The following ICA1 variants were observed in gnomAD, a reference collection of about 807,000 sequenced individuals.
The protein encoded by ICA1 is islet cell autoantigen 1, also known as 69 kDa islet cell autoantigen.
A neutral mutation model predicts 71.0 loss-of-function variants in ICA1; 40 were observed. The ratio of observed to expected loss-of-function variants is 0.56; its 90% CI spans 0.44 to 0.73. ICA1 has a LOEUF of 0.73. Among genes scored for constraint, ICA1 ranks in the 30% least tolerant of loss-of-function variants. The pLI is 0.00. For missense variants in ICA1, 578 were observed against 576.5 expected (o/e 1.00, Z -0.03); for synonymous variants, 207 against 209.5 (o/e 0.99, Z 0.10).
chr7:8,168,064 G>A (rs1044768084), intron 6 of ICA1, among the ~76,000 whole-genome samples: 2 of 152,062 alleles, frequency 1.3e-5, no homozygotes, highest in African/African-American at 4.8e-5. Flanking sequence ...GAGACTGAGA[G>A]ACCTAGTAGC....
chr7:8,229,620 C>A (rs910720771), intron 3 of ICA1, among the ~76,000 whole-genome samples: 4 of 152,192 alleles, frequency 2.6e-5, no homozygotes, highest in Admixed American at 2.6e-4. Context: ...TCATAAAGCA[C>A]TTCTACATTT....
intron 6 of ICA1, among the ~76,000 whole-genome samples, chr7:8,184,965 T>G (rs1179343366): frequency 6.6e-6 from 1 of 152,022 alleles, no homozygotes; most frequent in East Asian, 1.9e-4. Context: ...TCCTAGCTAC[T>G]TGGGAGGCTG....
intron 1 of ICA1, among the ~76,000 whole-genome samples, chr7:8,255,779 C>CTTTTTTTTTTTTTTT (rs573673718): frequency 3.8e-5 from 5 of 132,908 alleles, no homozygotes; most frequent in African/African-American, 6.1e-5. Flanking sequence ...ACTTCTTTCT[C>CTTTTTTTTTTTTTTT]TTTTTTTTTT....
intron 1 of ICA1, among the ~76,000 whole-genome samples, chr7:8,255,528 A>G (rs760824403): frequency 1.5e-4 from 23 of 152,116 alleles, no homozygotes; most frequent in Non-Finnish European, 3.1e-4. Context: ...GGCCACTTCC[A>G]TGGCTTCAAC....
chr7:8,157,098 C>T lies in ICA1; in HGVS notation c.804+18G>A. 1 of 1,614,162 alleles carries T rather than the reference C, an allele frequency of 6.2e-7. No homozygotes were observed. The highest frequency in any genetic ancestry group is 8.5e-7 in the Non-Finnish European group (1 of 1,180,038). On this transcript the variant is annotated intron_variant, in intron 8 of 13. Transcript: ENST00000402384. ...TACTTTTCTCAAGATTTTCTAGTGG[C>T]CCCTCTAGCTTCCATACCTTTAAAG...
intron 6 of ICA1, among the ~76,000 whole-genome samples, chr7:8,201,673 T>C (rs1276787926): frequency 1.3e-5 from 2 of 152,122 alleles, no homozygotes; most frequent in African/African-American, 4.8e-5. Context: ...CCATAAGCTT[T>C]TGTGGTATGG....
rs1801224070 is a variant in ICA1 at position 8,234,455 on chromosome 7, C to T, written c.17+1455G>A. 6.6e-6 allele frequency among the ~76,000 whole-genome samples: 1 copy of T among 152,172 alleles called. No individual in the cohort carries two copies. Among genetic ancestry groups the T allele is most frequent in the African/African-American group, 2.4e-5 (1 of 41,446 alleles). On this transcript the variant is annotated intron_variant, in intron 2 of 13. Transcript: ENST00000402384. This position sits in a 1 kb window ranked among gnomAD's most constrained non-coding sequence, Gnocchi z 4.5. Reference sequence around the variant, plus strand: ...GAGATGTACTTTCCTCTACCCCATCCCATCACCACCCAAAATGTGCCAGGC... The same window carrying T: ...GAGATGTACTTTCCTCTACCCCATCTCATCACCACCCAAAATGTGCCAGGC...
chr7:8,160,807 G>C (rs980438729), intron 6 of ICA1, among the ~76,000 whole-genome samples: 2 of 152,194 alleles, frequency 1.3e-5, no homozygotes, highest in African/African-American at 4.8e-5. Flanking sequence ...AGAGCCAGTA[G>C]TTTAAATTCC....
chr7:8,138,372 G>C (rs1358600733), intron 12 of ICA1, among the ~76,000 whole-genome samples: 1 of 152,138 alleles, frequency 6.6e-6, no homozygotes, highest in Non-Finnish European at 1.5e-5. Context: ...ATAACCCTGT[G>C]TTAGAGGCCA....
chr7:8,213,998 C>A (rs2128395115), intron 6 of ICA1, among the ~76,000 whole-genome samples: 1 of 152,330 alleles, frequency 6.6e-6, no homozygotes. Context: ...AAACACTAGA[C>A]AAATGCTGTA....
chr7:8,139,118 G>A, intron 10 of ICA1, 71 bp from the exon 11 acceptor site: 1 of 1,229,884 alleles, frequency 8.1e-7, no homozygotes. Context: ...CTATTGCAGT[G>A]TAAGGTAAAT....
chr7:8,248,100 C>T (rs1806742204), intron 1 of ICA1, among the ~76,000 whole-genome samples: 1 of 152,140 alleles, frequency 6.6e-6, no homozygotes, highest in Admixed American at 6.5e-5. Context: ...AATCATGTTT[C>T]CTAAGCACGT....
chr7:8,139,276 T>C (rs1220212125), intron 10 of ICA1, among the ~76,000 whole-genome samples: 1 of 152,204 alleles, frequency 6.6e-6, no homozygotes, highest in African/African-American at 2.4e-5. Context: ...CTGAAAACCA[T>C]ATGACATCGA....
intron 1 of ICA1, among the ~76,000 whole-genome samples, chr7:8,259,963 T>G (rs1336582496): frequency 6.6e-6 from 1 of 152,190 alleles, no homozygotes; most frequent in African/African-American, 2.4e-5. Flanking sequence ...AGCATCCTTA[T>G]TAATGGTTCC....
At position 8,138,876 on chromosome 7, in the gene ICA1, T is replaced by C. The variant is rs760644035; in HGVS notation, c.1024A>G (p.Ile342Val). Residue 342 changes from isoleucine (I) to valine (V), a missense_variant, in exon 12 of 14, where the codon ATA (isoleucine) becomes GTA (valine). Coordinates refer to ENST00000402384, the MANE Select transcript of ICA1 (RefSeq NM_001136020.3). Reference sequence around the variant, plus strand: ...GATTTCATGTCTAATAGTTCATCTATGGGTCCTTTAGAGAAGAGGAAAGAA... The same window carrying C: ...GATTTCATGTCTAATAGTTCATCTACGGGTCCTTTAGAGAAGAGGAAAGAA... The part of the protein sequence containing the change: ...GSTHTACSGP[I>V]DELLDMKSEE... 1.2e-6 allele frequency: 2 copies of C among 1,606,514 alleles called. No homozygotes were observed. Among genetic ancestry groups the C allele is most frequent in the Non-Finnish European group, 8.5e-7 (1 of 1,173,356 alleles).
intron 13 of ICA1, among the ~76,000 whole-genome samples, chr7:8,124,510 T>A (rs1202635501): frequency 6.6e-6 from 1 of 151,328 alleles, no homozygotes; most frequent in Admixed American, 6.6e-5. Context: ...TTTGAGGGGA[T>A]TGAGGGTCCT....
chr7:8,117,612 C>T (rs997391496), intron 13 of ICA1, among the ~76,000 whole-genome samples: 1 of 152,206 alleles, frequency 6.6e-6, no homozygotes, highest in African/African-American at 2.4e-5. Context: ...ATTGTTGATT[C>T]TCACTATAAA....
At position 8,173,229 on chromosome 7, in the gene ICA1, A is replaced by G. The variant is rs750459275; in HGVS notation, c.580-14577T>C. ...CCAGGACTAGGGAAGGAAATACATA[A>G]GATGATTCTGAAATATTCGGTTGTA... On this transcript the variant is annotated intron_variant, in intron 6 of 13. Coordinates refer to ENST00000402384, the MANE Select transcript of ICA1 (RefSeq NM_001136020.3). This position sits in a 1 kb window ranked among gnomAD's most constrained non-coding sequence, Gnocchi z 4.0. 3.3e-5 allele frequency among the ~76,000 whole-genome samples: 5 copies of G among 152,184 alleles called. No homozygotes were observed. The highest frequency in any genetic ancestry group is 4.8e-5 in the African/African-American group (2 of 41,446).
At chr7:8,219,134 G>C (rs1362788334) in intron 5 of ICA1, among the ~76,000 whole-genome samples, 2 of 152,050 alleles carry the variant, frequency 1.3e-5, no homozygotes, top group Non-Finnish European at 2.9e-5. Context: ...AAGTGATGAA[G>C]TAGGTGTAAA....
Sources: gnomAD v4.1 joint callset for allele counts (sites outside exome capture counted in the v4.1 genomes callset) on GRCh38, gnomAD v4.1.1 for gene constraint, Gnocchi (gnomAD v3.1) non-coding constraint, MANE v1.5 for transcripts, NCBI Gene and HGNC (gene_info 2026-07-23, HGNC 2026-07-21) for gene names.